TTLL4: variants seen among roughly 807,000 people sequenced by gnomAD.
TTLL4 encodes tubulin tyrosine ligase like 4.
TTLL4 carries 85 observed loss-of-function variants against 122.7 expected under a neutral mutation model. The observed-to-expected ratio is 0.69, with a 90% CI of 0.58 to 0.83. The LOEUF is 0.83. TTLL4 is among the 40% of genes least tolerant of loss of function. The probability of loss-of-function intolerance (pLI) is 0.00; values close to 1 mark genes in which losing one functional copy is unlikely to be tolerated. For missense variants in TTLL4, 1,363 were observed against 1,488.6 expected (o/e 0.92, Z 1.39); for synonymous variants, 553 against 563.0 (o/e 0.98, Z 0.25).
intron 1 of TTLL4, among the ~76,000 whole-genome samples, chr2:218,718,565 A>G (rs766563695): frequency 6.6e-6 from 1 of 152,050 alleles, no homozygotes; most frequent in Non-Finnish European, 1.5e-5. Flanking sequence ...TTTAGTAGAA[A>G]TGGGGTTTCT....
chr2:218,718,456 G>A (rs542753566), intron 1 of TTLL4, among the ~76,000 whole-genome samples: 2 of 151,490 alleles, frequency 1.3e-5, no homozygotes, highest in South Asian at 2.1e-4. Context: ...TCGGCTCACC[G>A]CAACCTCTGC....
chr2:218,730,156 A>G (rs1277960846), intron 2 of TTLL4, among the ~76,000 whole-genome samples: 2 of 151,968 alleles, frequency 1.3e-5, no homozygotes, highest in Non-Finnish European at 2.9e-5. Flanking sequence ...ACTGCTTAGA[A>G]TTTCTAGTAT....
chr2:218,727,504 A>G (rs6708192), intron 2 of TTLL4, among the ~76,000 whole-genome samples, 157 bp downstream of exon 2: 77,568 of 151,966 alleles, frequency 0.51, 20,749 homozygotes, highest in African/African-American at 0.65. Context: ...TTGGGAGGCC[A>G]AGGGGGGTGG....
At chr2:218,723,479 A>G (rs1188276127) in intron 1 of TTLL4, among the ~76,000 whole-genome samples, 2 of 152,212 alleles carry the variant, frequency 1.3e-5, no homozygotes, top group Non-Finnish European at 2.9e-5. Flanking sequence ...GGCTTGAGTA[A>G]TATGCCTTCC....
chr2:218,733,222 C>T (rs534248254), intron 2 of TTLL4, among the ~76,000 whole-genome samples: 4 of 152,184 alleles, frequency 2.6e-5, no homozygotes, highest in Non-Finnish European at 4.4e-5. Context: ...TGTATTAGTT[C>T]GTTCTCGTAC....
At chr2:218,734,361 C>T (rs1041721006) in intron 2 of TTLL4, among the ~76,000 whole-genome samples, 1 of 152,180 alleles carries the variant, frequency 6.6e-6, no homozygotes, top group Non-Finnish European at 1.5e-5. Flanking sequence ...GAATATTGAG[C>T]ACTTCCTGTG....
In TTLL4 at chr2:218,748,285, G is replaced by T. The variant is rs746099513; in HGVS notation, c.2501+58G>T. 382 of 1,603,490 alleles carry T rather than the reference G, an allele frequency of 2.4e-4. No individual in the cohort carries two copies. The highest frequency in any genetic ancestry group is 3.0e-4 in the Non-Finnish European group (353 of 1,174,964). ...GGCCTAGAGGAATACAGGGTTCTGG[G>T]GTTTTGGGAGGTTCAGGGGCATGGC... On this transcript the variant is annotated intron_variant, in intron 12 of 19. Transcript: ENST00000392102.
intron 1 of TTLL4, among the ~76,000 whole-genome samples, chr2:218,713,211 C>T (rs1941764498): frequency 6.6e-6 from 1 of 152,024 alleles, no homozygotes. Flanking sequence ...GAAACCTCTT[C>T]TCTACAAAAA....
At chr2:218,743,589 G>A (rs2106444320) in intron 5 of TTLL4, among the ~76,000 whole-genome samples, 1 of 152,258 alleles carries the variant, frequency 6.6e-6, no homozygotes, top group East Asian at 1.9e-4. Flanking sequence ...TAGGTTGTAT[G>A]GTGGTTACAT....
intron 14 of TTLL4, 91 bp from the exon 15 acceptor site, chr2:218,749,918 G>A: frequency 1.3e-6 from 2 of 1,506,454 alleles, no homozygotes; most frequent in Admixed American, 2.1e-5. Flanking sequence ...GGGAAGCCAG[G>A]AAGTAAATGA....
intron 2 of TTLL4, among the ~76,000 whole-genome samples, chr2:218,736,695 T>A (rs998406436): frequency 6.6e-6 from 1 of 152,182 alleles, no homozygotes; most frequent in Non-Finnish European, 1.5e-5. Context: ...GAGATGAAAT[T>A]GCTGTCTCAG....
chr2:218,753,034 C>G, intron 17 of TTLL4, 61 bp downstream of exon 17: 3 of 1,612,992 alleles, frequency 1.9e-6, no homozygotes, highest in Non-Finnish European at 2.5e-6. Flanking sequence ...TCCCAGTATA[C>G]CAAGAAATGG....
chr2:218,711,249 CCTT>C (rs1389899039), intron 1 of TTLL4, among the ~76,000 whole-genome samples: 2 of 152,212 alleles, frequency 1.3e-5, no homozygotes, highest in Non-Finnish European at 2.9e-5. Flanking sequence ...TCCTCGGAGC[CCTT>C]CTCCTCTCCG....
At chr2:218,740,870 C>G (rs35475810) in intron 5 of TTLL4, among the ~76,000 whole-genome samples, 10,304 of 151,740 alleles carry the variant, frequency 0.068, 426 homozygotes, top group African/African-American at 0.11. Flanking sequence ...GTCAGGAGTT[C>G]GAGACTAGCC....
chr2:218,731,996 T>C (rs989941520), intron 2 of TTLL4, among the ~76,000 whole-genome samples: 1 of 152,222 alleles, frequency 6.6e-6, no homozygotes, highest in South Asian at 2.1e-4. Context: ...ACACATTAGA[T>C]CATTGCTCCA....
chr2:218,746,420 T>C lies in TTLL4; in HGVS notation c.1974+189T>C. The C allele has an allele frequency of 4.9e-6, 3 of 612,138 alleles. No homozygotes were observed. In the South Asian group the frequency reaches 5.9e-5, roughly 12 times the overall value. The allele number at this position is 612,138 out of a possible 1,614,324, so 37.9% of individuals were successfully genotyped here. A position where few individuals can be genotyped will look rare whatever the true frequency, so the allele number is the denominator to read the frequency against. On this transcript the variant is annotated intron_variant, in intron 8 of 19. Transcript: ENST00000392102. ...TCCAGTGGATCACGTACATCTCCAG[T>C]TCAGCTGCAGTATCTTGGAGTTTCT...
intron 8 of TTLL4, 188 bp downstream of exon 8, chr2:218,746,419 G>T: frequency 3.2e-6 from 2 of 617,232 alleles, no homozygotes; most frequent in Non-Finnish European, 5.7e-6. Flanking sequence ...TACATCTCCA[G>T]TTCAGCTGCA....
rs764294698 is a variant in TTLL4 at position 218,737,692 on chromosome 2, A to G, written c.16A>G (p.Thr6Ala). ...TGGGCCCCTCATGGCCTCAGCAGGA[A>G]CACAGCACTATAGTATTGGCCTCCG... is the stretch of plus-strand genomic sequence containing the variant. Reference protein sequence around the residue: MASAGTQHYSIGLRQK... With the variant: MASAGAQHYSIGLRQK... The change falls in exon 3 of 20, where the codon ACA becomes GCA. Residue 6 changes from threonine (T) to alanine (A), a missense_variant. This residue lies in a region of TTLL4 where 760 missense variants were observed against 808.4 expected (regional missense o/e 0.94). Coordinates refer to ENST00000392102, the MANE Select transcript of TTLL4 (RefSeq NM_014640.5). 12 of 1,603,508 alleles carry G rather than the reference A, an allele frequency of 7.5e-6. No individual in the cohort carries two copies. Among genetic ancestry groups the G allele is most frequent in the African/African-American group, 1.3e-5 (1 of 74,652 alleles).
At chr2:218,733,526 A>C (rs1325419771) in intron 2 of TTLL4, among the ~76,000 whole-genome samples, 2 of 152,190 alleles carry the variant, frequency 1.3e-5, no homozygotes, top group Non-Finnish European at 2.9e-5. Flanking sequence ...GGGGATTACA[A>C]CTCAACATGA....
Sources: gnomAD v4.1 joint callset for allele counts (sites outside exome capture counted in the v4.1 genomes callset) on GRCh38, gnomAD v4.1.1 for gene constraint, gnomAD v4.1.1 regional missense constraint, MANE v1.5 for transcripts, NCBI Gene and HGNC (gene_info 2026-07-23, HGNC 2026-07-21) for gene names.